Variants in AWAT2 observed in about 807,000 individuals in gnomAD.
AWAT2 encodes 11-cis-RE-synthase.
A neutral mutation model predicts 22.3 loss-of-function variants in AWAT2; 9 were observed. The ratio of observed to expected loss-of-function variants is 0.40; its 90% CI spans 0.24 to 0.70. The LOEUF is 0.70. AWAT2 is among the 30% of genes least tolerant of loss of function. AWAT2 has a pLI of 0.36. For missense variants in AWAT2, 217 were observed against 265.9 expected (o/e 0.82, Z 1.28); for synonymous variants, 100 against 93.4 (o/e 1.07, Z -0.40).
intron 5 of AWAT2, 114 bp from the exon 6 acceptor site, chrX:70,042,500 G>C (rs1372425704): frequency 9.5e-6 from 7 of 738,988 alleles, no homozygotes; most frequent in Non-Finnish European, 1.2e-5. Flanking sequence ...TCAGACCCCA[G>C]TCCAGCTGTG....
In AWAT2 at chrX:70,044,381, A is replaced by G. The variant is rs972263197; in HGVS notation, c.167T>C (p.Leu56Pro). The change falls in exon 2 of 8, where the codon CTG (leucine) becomes CCG (proline). Residue 56 changes from leucine to proline, a missense_variant. Leu to Pro is a moderately conservative substitution (Grantham distance 98, BLOSUM62 -3). Coordinates refer to ENST00000276101, the MANE Select transcript of AWAT2 (RefSeq NM_001002254.1). ...CTGAGGGGTCTTCCAGTCAAAAGCCAGCCAGGTAAGAATAAGCACAGTGAC... is the reference window on the plus strand; with the variant it reads ...CTGAGGGGTCTTCCAGTCAAAAGCCGGCCAGGTAAGAATAAGCACAGTGAC... ...WPVTVLILTW[L>P]AFDWKTPQRG... The G allele has an allele frequency of 8.3e-6, 10 of 1,211,911 alleles. No homozygotes were observed. Among genetic ancestry groups the G allele is most frequent in the African/African-American group, 1.7e-5 (1 of 57,929 alleles).
chrX:70,045,367 C>CA (rs2020355774), intron 1 of AWAT2, among the ~76,000 whole-genome samples: 1 of 111,637 alleles, frequency 9.0e-6, no homozygotes. Context: ...TGACTTAGAA[C>CA]AAAAAAATTA....
chrX:70,048,732 G>GT (rs1480377238), intron 1 of AWAT2, among the ~76,000 whole-genome samples: 1 of 111,915 alleles, frequency 8.9e-6, no homozygotes, highest in Non-Finnish European at 1.9e-5. Context: ...GGTGGAGGTA[G>GT]TAAGGACTGT....
intron 4 of AWAT2, 47 bp from the exon 5 acceptor site, chrX:70,043,290 CCTACATTTCCTTT>C: frequency 8.8e-7 from 1 of 1,137,226 alleles, no homozygotes. Context: ...TTCCCAAACC[CCTACATTTCCTTT>C]CTACTGCTTC....
At chrX:70,042,505 G>T in intron 5 of AWAT2, 119 bp from the exon 6 acceptor site, 1 of 718,084 alleles carries the variant, frequency 1.4e-6, no homozygotes, top group Non-Finnish European at 2.1e-6. Context: ...CCCCAGTCCA[G>T]CTGTGCCTAG....
At chrX:70,043,896 G>A in intron 3 of AWAT2, 30 bp downstream of exon 3, 1 of 1,187,136 alleles carries the variant, frequency 8.4e-7, no homozygotes. Flanking sequence ...GGCTGGACCT[G>A]GGCCTGAGTG....
chrX:70,046,337 CT>C (rs1165893499), intron 1 of AWAT2, among the ~76,000 whole-genome samples: 3 of 111,272 alleles, frequency 2.7e-5, no homozygotes, highest in Non-Finnish European at 5.7e-5. Flanking sequence ...AACCCACCCC[CT>C]ATATGGCTTT....
At chrX:70,041,706 G>A in intron 7 of AWAT2, 67 bp downstream of exon 7, 1 of 908,237 alleles carries the variant, frequency 1.1e-6, no homozygotes, top group Non-Finnish European at 1.5e-6. Context: ...AGGAGGACTG[G>A]TCAAATCAGG....
chrX:70,043,288 C>T (rs981837043), intron 4 of AWAT2, 45 bp from the exon 5 acceptor site: 61 of 1,148,022 alleles, frequency 5.3e-5, no homozygotes, highest in Non-Finnish European at 7.0e-5. Context: ...ACTTCCCAAA[C>T]CCCTACATTT....
At chrX:70,049,761 G>T in intron 1 of AWAT2, 87 bp downstream of exon 1, 1 of 1,090,316 alleles carries the variant, frequency 9.2e-7, no homozygotes, top group South Asian at 2.0e-5. Context: ...ACCCTAGTTT[G>T]ACCATTGAAC....
chrX:70,047,629 T>A (rs781718185), intron 1 of AWAT2, among the ~76,000 whole-genome samples: 8 of 111,819 alleles, frequency 7.2e-5, no homozygotes, highest in Non-Finnish European at 1.5e-4. Flanking sequence ...AATACCAATA[T>A]CTGCACTATT....
rs1040785583 is a variant in AWAT2 at position 70,041,720 on chromosome X, G to C, written c.*35+53C>G. Reference sequence around the variant, plus strand: ...AAGGAGGACTGGTCAAATCAGGAGCGGGAGCCTGATAGGTGACTTTTGTCC... The same window carrying C: ...AAGGAGGACTGGTCAAATCAGGAGCCGGAGCCTGATAGGTGACTTTTGTCC... On this transcript the variant is annotated intron_variant, in intron 7 of 7. Transcript: ENST00000276101. The C allele has an allele frequency of 1.8e-5, 18 of 992,931 alleles. No individual in the cohort carries two copies. The East Asian group carries it at 5.7e-4, about 31-fold the overall frequency. The allele number at this position is 992,931 out of a possible 1,213,427, so 81.8% of individuals were successfully genotyped here.
chrX:70,043,192 C>T lies in AWAT2; in HGVS notation c.524G>A (p.Gly175Asp), dbSNP rs2020341478. 2 of 1,205,950 alleles carry T rather than the reference C, an allele frequency of 1.7e-6. No homozygotes were observed. Among genetic ancestry groups the T allele is most frequent in the African/African-American group, 1.8e-5 (1 of 57,040 alleles). The change falls in exon 5 of 8, where the codon GGC (glycine) becomes GAC (aspartate). Residue 175 changes from glycine to aspartate, a missense_variant. Coordinates refer to ENST00000276101, the MANE Select transcript of AWAT2 (RefSeq NM_001002254.1). The stretch of plus-strand genomic sequence containing the variant: ...CACCACAATGACCATGTTGCCTGTG[C>T]CTTTATGAGTCAGCAGAAAGTCAAT... ...SSIDFLLTHK[G>D]TGNMVIVVIG...
In AWAT2 at chrX:70,044,422, G is replaced by C; in HGVS notation, c.126C>G (p.Phe42Leu). 8.3e-7 allele frequency: 1 copy of C among 1,211,904 alleles called. No homozygotes were observed. The highest frequency in any genetic ancestry group is 1.7e-5 in the African/African-American group (1 of 57,911). Reference protein sequence around the residue: ...VIAVNLYLVVFTPYWPVTVLI... With the variant: ...VIAVNLYLVVLTPYWPVTVLI... Reference sequence around the variant, plus strand: ...GCACAGTGACAGGCCAGTATGGTGTGAACACCACCAGGTAGAGGTTGACAG... The same window carrying C: ...GCACAGTGACAGGCCAGTATGGTGTCAACACCACCAGGTAGAGGTTGACAG... Residue 42 changes from phenylalanine (F) to leucine (L), a missense_variant, in exon 2 of 8, where the codon TTC (phenylalanine) becomes TTG (leucine). By Grantham distance (22) the Phe-to-Leu change is conservative. Coordinates refer to ENST00000276101, the MANE Select transcript of AWAT2 (RefSeq NM_001002254.1).
At position 70,043,970 on chromosome X, in the gene AWAT2, G is replaced by A; in HGVS notation, c.223C>T (p.His75Tyr). Residue 75 changes from histidine to tyrosine, a missense_variant, in exon 3 of 8, where the codon CAC (histidine) becomes TAC (tyrosine). By Grantham distance (83) the His-to-Tyr change is moderately conservative. Coordinates refer to ENST00000276101, the MANE Select transcript of AWAT2 (RefSeq NM_001002254.1). ...CTGTAGTGTTTCCACAGGCGCCAGT[G>A]CCTCACACAGGTAAACCGGCGGCCG... Reference protein sequence around the residue: ...RGGRRFTCVRHWRLWKHYSDY... With the variant: ...RGGRRFTCVRYWRLWKHYSDY... 1 of 1,200,169 alleles carries A rather than the reference G, an allele frequency of 8.3e-7. No homozygotes were observed. Among genetic ancestry groups the A allele is most frequent in the Non-Finnish European group, 1.1e-6 (1 of 889,584 alleles).
chrX:70,049,616 C>T (rs1287831468), intron 1 of AWAT2, among the ~76,000 whole-genome samples: 1 of 111,821 alleles, frequency 8.9e-6, no homozygotes, highest in Non-Finnish European at 1.9e-5. Context: ...CGTGCATATA[C>T]ACACCCCTGC....
chrX:70,047,727 C>T (rs920163088), intron 1 of AWAT2, among the ~76,000 whole-genome samples: 1 of 112,088 alleles, frequency 8.9e-6, no homozygotes, highest in Non-Finnish European at 1.9e-5. Context: ...GCTGAGAGGC[C>T]TCCGAAGGGC....
At chrX:70,045,158 A>G (rs1438687294) in intron 1 of AWAT2, among the ~76,000 whole-genome samples, 1 of 112,261 alleles carries the variant, frequency 8.9e-6, no homozygotes, top group Non-Finnish European at 1.9e-5. Context: ...AAAGACAGAG[A>G]ACATTTCTAA....
chrX:70,046,238 T>C (rs991255571), intron 1 of AWAT2, among the ~76,000 whole-genome samples: 5 of 111,888 alleles, frequency 4.5e-5, no homozygotes, highest in South Asian at 3.7e-4. Flanking sequence ...AGCAATTAAC[T>C]ACAATTCATT....
Sources: allele counts gnomAD v4.1 joint callset (sites outside exome capture counted in the v4.1 genomes callset), GRCh38; gene constraint gnomAD v4.1.1; transcripts MANE v1.5; gene names NCBI Gene and HGNC (gene_info 2026-07-23, HGNC 2026-07-21).